Variants in SASH1 observed in about 807,000 individuals in gnomAD.
SASH1 encodes the protein SAM and SH3 domain containing 1, also known as SAM and SH3 domain-containing protein 1.
Under a neutral mutation model 125.2 loss-of-function variants are expected in SASH1, and 44 were observed. That is an observed-to-expected ratio of 0.35 (90% CI 0.28 to 0.45). The LOEUF is 0.45. Among genes scored for constraint, SASH1 ranks in the 20% least tolerant of loss-of-function variants. The pLI, the probability that SASH1 is intolerant of heterozygous loss-of-function variation, is 1.00. For missense variants in SASH1, 1,426 were observed against 1,614.5 expected, an observed-to-expected ratio of 0.88 and a Z score of 2.00; for synonymous variants, 639 against 649.1, an observed-to-expected ratio of 0.98 and a Z score of 0.24.
intron 1 of SASH1, among the ~76,000 whole-genome samples, chr6:148,350,140 C>T (rs879467441): frequency 2.0e-5 from 3 of 152,064 alleles, no homozygotes; most frequent in Admixed American, 6.6e-5. Flanking sequence ...CCACCGCGCC[C>T]GGCAGATTTT....
At chr6:148,344,185 C>T (rs1007676749) in intron 1 of SASH1, among the ~76,000 whole-genome samples, 2 of 152,170 alleles carry the variant, frequency 1.3e-5, no homozygotes, top group Non-Finnish European at 2.9e-5. Context: ...AGGTCAAATG[C>T]CAGCTCTCCA....
intron 13 of SASH1, 93 bp downstream of exon 13, chr6:148,531,754 G>T: frequency 8.5e-6 from 9 of 1,063,400 alleles, no homozygotes; most frequent in Non-Finnish European, 1.1e-5. Context: ...AGGTGAATAA[G>T]ACCAAGTCCT....
At chr6:148,534,706 T>C in intron 15 of SASH1, 45 bp from the exon 16 acceptor site, 1 of 1,608,418 alleles carries the variant, frequency 6.2e-7, no homozygotes, top group Non-Finnish European at 8.5e-7. Flanking sequence ...TTATCATGTG[T>C]CTGGGCTGGC....
At position 148,544,150 on chromosome 6, in the gene SASH1, C is replaced by G; in HGVS notation, c.2680C>G (p.Leu894Val). 6.2e-7 allele frequency: 1 copy of G among 1,614,124 alleles called. No individual in the cohort carries two copies. Residue 894 changes from leucine to valine, a missense_variant, in exon 18 of 20, where the codon CTG becomes GTG. Leu to Val is a conservative substitution (Grantham distance 32). Transcript: ENST00000367467. The surrounding 1 kb of genome is among the most constrained non-coding windows in gnomAD (Gnocchi z 6.4). ...CTCTGCTGTCGACAATGCATTGCTACTGACCCAAAGCAAGAGATTTTCTGA... is the reference window on the plus strand; with the variant it reads ...CTCTGCTGTCGACAATGCATTGCTAGTGACCCAAAGCAAGAGATTTTCTGA... ...QDSAVDNALL[L>V]TQSKRFSEPQ...
At chr6:148,317,269 T>C (rs1457245342) in intron 1 of SASH1, among the ~76,000 whole-genome samples, 1 of 152,142 alleles carries the variant, frequency 6.6e-6, no homozygotes, top group Non-Finnish European at 1.5e-5. Flanking sequence ...AGTGATAAAA[T>C]TTGGTCCAAT....
intron 1 of SASH1, among the ~76,000 whole-genome samples, chr6:148,289,865 T>G (rs1185960334): frequency 4.5e-5 from 6 of 133,710 alleles, no homozygotes; most frequent in African/African-American, 1.8e-4. Flanking sequence ...GGTTGTGTTT[T>G]TTTTTTTTTT....
chr6:148,400,852 C>G (rs1024085270), intron 2 of SASH1, among the ~76,000 whole-genome samples: 2 of 152,190 alleles, frequency 1.3e-5, no homozygotes, highest in Admixed American at 6.5e-5. Flanking sequence ...TGCCCCCATT[C>G]CAGCAGTATG....
chr6:148,513,988 T>A (rs1348578733), intron 8 of SASH1: 1 of 1,009,446 alleles, frequency 9.9e-7, no homozygotes, highest in Non-Finnish European at 1.2e-6. Flanking sequence ...GAAACTGGAA[T>A]TACAGGGCCA....
chr6:148,397,160 C>T (rs1783990082), intron 2 of SASH1, among the ~76,000 whole-genome samples: 1 of 152,138 alleles, frequency 6.6e-6, no homozygotes, highest in African/African-American at 2.4e-5. Context: ...ACATCCCACT[C>T]ACACTTCATG....
At chr6:148,198,692 G>A in the SASH1 span, among the ~76,000 whole-genome samples, 1 of 152,190 alleles carries the variant, frequency 6.6e-6, no homozygotes, top group Non-Finnish European at 1.5e-5. Flanking sequence ...ATCACAGAAG[G>A]CAAGAACTCT....
intron 1 of SASH1, among the ~76,000 whole-genome samples, chr6:148,281,939 A>T (rs944981209): frequency 6.6e-6 from 1 of 152,084 alleles, no homozygotes; most frequent in African/African-American, 2.4e-5. Flanking sequence ...AAAAAGGAAA[A>T]AGAAAAGAAA....
intron 2 of SASH1, among the ~76,000 whole-genome samples, chr6:148,417,661 TTCAGA>T (rs1784883629): frequency 6.6e-6 from 1 of 152,090 alleles, no homozygotes; most frequent in Non-Finnish European, 1.5e-5. Flanking sequence ...GCCTGCCACC[TTCAGA>T]CATGGTCTTG....
intron 1 of SASH1, among the ~76,000 whole-genome samples, chr6:148,361,757 A>T (rs965695494): frequency 3.3e-5 from 5 of 152,088 alleles, no homozygotes; most frequent in Admixed American, 6.6e-5. Flanking sequence ...ATAGAAACCG[A>T]CTCAGGAAAC....
At chr6:148,503,440 G>C (rs192190384) in intron 8 of SASH1, among the ~76,000 whole-genome samples, 1 of 152,280 alleles carries the variant, frequency 6.6e-6, no homozygotes, top group African/African-American at 2.4e-5. Flanking sequence ...GTAAATTATG[G>C]TATACTTTGA....
At chr6:148,325,510 G>A (rs150985524) in intron 1 of SASH1, among the ~76,000 whole-genome samples, 17 of 152,120 alleles carry the variant, frequency 1.1e-4, no homozygotes, top group African/African-American at 4.1e-4. Flanking sequence ...CTGACCTCAG[G>A]TGATCCACCC....
At chr6:148,259,064 C>T in the SASH1 span, among the ~76,000 whole-genome samples, 3 of 152,198 alleles carry the variant, frequency 2.0e-5, no homozygotes, top group South Asian at 2.1e-4. Context: ...TTTCTGTTTA[C>T]CTCCGTTACC....
intron 1 of SASH1, among the ~76,000 whole-genome samples, chr6:148,298,014 A>T (rs6910194): frequency 0.5 from 68,446 of 137,504 alleles, 16,475 homozygotes; most frequent in African/African-American, 0.65. Context: ...TTATATATAT[A>T]TTTTTTTTTT....
chr6:148,318,236 G>A (rs542841183), intron 1 of SASH1, among the ~76,000 whole-genome samples: 1 of 152,246 alleles, frequency 6.6e-6, no homozygotes, highest in East Asian at 1.9e-4. Flanking sequence ...ACAAACAGCA[G>A]GCATGTTTTG....
intron 4 of SASH1, among the ~76,000 whole-genome samples, chr6:148,452,025 C>A (rs1273440033): frequency 2.6e-5 from 4 of 152,260 alleles, no homozygotes; most frequent in African/African-American, 9.6e-5. Flanking sequence ...GGCGCTTCTG[C>A]CCCACGGAGG....
Sources: allele counts gnomAD v4.1 joint callset (sites outside exome capture counted in the v4.1 genomes callset), GRCh38; gene constraint gnomAD v4.1.1; non-coding constraint Gnocchi (gnomAD v3.1); transcripts MANE v1.5; gene names NCBI Gene and HGNC (gene_info 2026-07-23, HGNC 2026-07-21).